The following ADAM12 variants were observed in gnomAD, a reference collection of about 807,000 sequenced individuals.
ADAM12 encodes disintegrin and metalloproteinase domain-containing protein 12.
In ADAM12, 70 loss-of-function variants were observed where a neutral mutation model predicts 106.4. The observed-to-expected ratio is 0.66, with a 90% CI of 0.54 to 0.80. ADAM12 has a LOEUF of 0.80. Among genes scored for constraint, ADAM12 ranks in the 30% least tolerant of loss-of-function variants. The pLI is 0.00. For synonymous variants in ADAM12, 420 were observed against 433.5 expected (o/e 0.97, Z 0.39); for missense variants, 1,010 against 1,171.9 (o/e 0.86, Z 2.02).
intron 3 of ADAM12, among the ~76,000 whole-genome samples, chr10:126,189,894 C>A (rs186223124): frequency 6.6e-6 from 1 of 152,148 alleles, no homozygotes; most frequent in Admixed American, 6.5e-5. Flanking sequence ...CTCCCTAGGC[C>A]GTGTGTGCAG....
In ADAM12 at chr10:126,098,469, T is replaced by G; in HGVS notation, c.943A>C (p.Met315Leu). 1.2e-6 allele frequency: 2 copies of G among 1,614,130 alleles called. No homozygotes were observed. Among genetic ancestry groups the G allele is most frequent in the Non-Finnish European group, 1.7e-6 (2 of 1,179,998 alleles). The change falls in exon 10 of 23, where the codon ATG (methionine) becomes CTG (leucine). Residue 315 changes from methionine to leucine, a missense_variant. This residue lies in a region of ADAM12 where 391 missense variants were observed against 442.9 expected (regional missense o/e 0.88). Coordinates refer to ENST00000448723, the MANE Select transcript of ADAM12 (RefSeq NM_001288973.2). ...GVYFQGTTIG[M>L]APIMSMCTAD... The stretch of plus-strand genomic sequence containing the variant: ...GTGCACATGCTCATGATTGGGGCCA[T>G]GCCGATGGTGGTCCCTTGGAAATAA...
At chr10:126,149,239 C>G (rs537214103) in intron 4 of ADAM12, among the ~76,000 whole-genome samples, 1 of 152,338 alleles carries the variant, frequency 6.6e-6, no homozygotes, top group East Asian at 1.9e-4. Context: ...CACATGGAGA[C>G]AAACACTATC....
At chr10:126,231,352 G>A (rs1462102405) in intron 3 of ADAM12, among the ~76,000 whole-genome samples, 1 of 151,358 alleles carries the variant, frequency 6.6e-6, no homozygotes, top group East Asian at 1.9e-4. Flanking sequence ...GAAATCTTAG[G>A]AGGGAGGAAA....
chr10:126,053,578 A>G lies in ADAM12; in HGVS notation c.1610-3909T>C, dbSNP rs1255538057. On this transcript the variant is annotated intron_variant, in intron 14 of 22. Coordinates refer to ENST00000448723, the MANE Select transcript of ADAM12 (RefSeq NM_001288973.2). The surrounding 1 kb of genome is among the most constrained non-coding windows in gnomAD (Gnocchi z 4.6). ...ATGACACAGTCAAGCATCATCTTAT[A>G]ATATGCTGTCAATTAACTTAATGAG... Among the ~76,000 whole-genome samples the G allele has an allele frequency of 6.6e-6, 1 of 152,144 alleles. No homozygotes were observed. The highest frequency in any genetic ancestry group is 1.9e-4 in the East Asian group (1 of 5,194).
chr10:126,126,555 C>A (rs1956209655), intron 5 of ADAM12, among the ~76,000 whole-genome samples: 1 of 111,118 alleles, frequency 9.0e-6, no homozygotes, highest in Admixed American at 9.6e-5. Flanking sequence ...GAACTAGAGG[C>A]TTTGACAAGT....
At chr10:126,339,444 A>G (rs916390326) in intron 1 of ADAM12, among the ~76,000 whole-genome samples, 1 of 152,152 alleles carries the variant, frequency 6.6e-6, no homozygotes, top group African/African-American at 2.4e-5. Context: ...CTTCTTTGGC[A>G]GAGTCCTCTT....
At chr10:126,327,648 A>C (rs753832705) in intron 2 of ADAM12, among the ~76,000 whole-genome samples, 23 of 152,202 alleles carry the variant, frequency 1.5e-4, no homozygotes, top group Admixed American at 3.9e-4. Context: ...TAATACGAAG[A>C]AATCAAAAAG....
chr10:126,299,303 T>A (rs1960514895), intron 2 of ADAM12, among the ~76,000 whole-genome samples: 1 of 152,246 alleles, frequency 6.6e-6, no homozygotes. Context: ...ACTAGGGATT[T>A]AGCCCAGATT....
In ADAM12 at chr10:126,388,111, C is replaced by A; in HGVS notation, c.35G>T (p.Arg12Leu). Reference protein sequence around the residue: ...AARPLPVSPARALLLALAGAL... With the variant: ...AARPLPVSPALALLLALAGAL... ...ACCGGCCAGGGCGAGCAGGAGGGCGCGGGCGGGGGACACGGGCAGCGGGCG... is the reference window on the plus strand; with the variant it reads ...ACCGGCCAGGGCGAGCAGGAGGGCGAGGGCGGGGGACACGGGCAGCGGGCG... Residue 12 changes from arginine to leucine, a missense_variant, in exon 1 of 23, where the codon CGC (arginine) becomes CTC (leucine). Arg to Leu is a moderately radical substitution (Grantham distance 102). Transcript: ENST00000448723. The surrounding 1 kb of genome is among the most constrained non-coding windows in gnomAD (Gnocchi z 4.4). 8.1e-7 allele frequency: 1 copy of A among 1,227,280 alleles called. No homozygotes were observed. Among genetic ancestry groups the A allele is most frequent in the South Asian group, 3.9e-5 (1 of 25,402 alleles). 76.0% of individuals were successfully genotyped at this position (1,227,280 alleles called of 1,614,324 possible). A position where few individuals can be genotyped will look rare whatever the true frequency, so the allele number is the denominator to read the frequency against.
chr10:126,235,910 G>T (rs1416932482), intron 3 of ADAM12, among the ~76,000 whole-genome samples: 1 of 152,116 alleles, frequency 6.6e-6, no homozygotes, highest in Non-Finnish European at 1.5e-5. Context: ...CACGGAGGAG[G>T]GGGTGGCTGT....
At position 126,246,048 on chromosome 10, in the gene ADAM12, G is replaced by C. The variant is rs188938045; in HGVS notation, c.260+32867C>G. Among the ~76,000 whole-genome samples the C allele has an allele frequency of 5.3e-5, 8 of 152,156 alleles. No homozygotes were observed. The East Asian group carries it at 1.5e-3, about 29-fold the overall frequency. ...GAGACATCAGAGCATATTGAGAGGT[G>C]GAAAGGAAGGAGTACACAGGGAAGG... On this transcript the variant is annotated intron_variant, in intron 3 of 22. Transcript: ENST00000448723.
chr10:126,220,650 G>A (rs1005699556), intron 3 of ADAM12, among the ~76,000 whole-genome samples: 13 of 152,136 alleles, frequency 8.5e-5, no homozygotes, highest in Non-Finnish European at 8.8e-5. Flanking sequence ...GCTAGACATC[G>A]CAATCCTTAG....
chr10:126,307,745 G>A (rs1960912906), intron 2 of ADAM12, among the ~76,000 whole-genome samples: 1 of 151,950 alleles, frequency 6.6e-6, no homozygotes, highest in African/African-American at 2.4e-5. Context: ...TCACTATGTT[G>A]GCCAGGCTGG....
intron 5 of ADAM12, chr10:126,135,309 G>T: frequency 2.3e-6 from 1 of 426,528 alleles, no homozygotes; most frequent in Non-Finnish European, 4.2e-6. Context: ...AAAATGCTTG[G>T]ATGTAGAAAC....
intron 14 of ADAM12, among the ~76,000 whole-genome samples, chr10:126,050,278 G>T (rs10901527): frequency 6.6e-6 from 1 of 152,080 alleles, no homozygotes; most frequent in Non-Finnish European, 1.5e-5. Flanking sequence ...CAACATGACG[G>T]TTCCCAGCAA....
At chr10:126,385,679 A>T (rs891603293) in intron 1 of ADAM12, among the ~76,000 whole-genome samples, 1 of 152,116 alleles carries the variant, frequency 6.6e-6, no homozygotes, top group Non-Finnish European at 1.5e-5. Context: ...TAATGATGGC[A>T]CTACTATATT....
chr10:126,152,007 AG>A (rs1956735547), intron 4 of ADAM12, among the ~76,000 whole-genome samples: 1 of 100,630 alleles, frequency 9.9e-6, no homozygotes, highest in Non-Finnish European at 1.9e-5. Context: ...TTCCCTCTTG[AG>A]TTTTTTTTTT....
intron 2 of ADAM12, among the ~76,000 whole-genome samples, chr10:126,309,206 T>C (rs1233807356): frequency 1.3e-5 from 2 of 152,222 alleles, no homozygotes; most frequent in African/African-American, 2.4e-5. Context: ...GAGACTCTAT[T>C]TGAGGACTTC....
At chr10:126,035,675 TATAC>T (rs1453201316) in intron 21 of ADAM12, among the ~76,000 whole-genome samples, 3 of 152,052 alleles carry the variant, frequency 2.0e-5, no homozygotes, top group African/African-American at 4.8e-5. Context: ...AATGAGATGA[TATAC>T]ATAAACAATA....
Sources: gnomAD v4.1 joint callset for allele counts (sites outside exome capture counted in the v4.1 genomes callset) on GRCh38, gnomAD v4.1.1 for gene constraint, gnomAD v4.1.1 regional missense constraint, Gnocchi (gnomAD v3.1) non-coding constraint, MANE v1.5 for transcripts, NCBI Gene and HGNC (gene_info 2026-07-23, HGNC 2026-07-21) for gene names.